Variants in RIF1 observed in about 807,000 individuals in gnomAD.
The protein encoded by RIF1 is replication timing regulatory factor 1, also known as telomere-associated protein RIF1.
A neutral mutation model predicts 247.1 loss-of-function variants in RIF1; 45 were observed. That is an observed-to-expected ratio of 0.18 (90% CI 0.14 to 0.23). The LOEUF is 0.23. RIF1 is among the 10% of genes least tolerant of loss of function. RIF1 has a pLI of 1.00. For synonymous variants in RIF1, 1,087 were observed against 978.8 expected, an observed-to-expected ratio of 1.11 and a Z score of -2.06; for missense variants, 2,967 against 2,862.5, an observed-to-expected ratio of 1.04 and a Z score of -0.83.
Position 151,433,236 on chromosome 2 carries a change from T to A in RIF1, c.1077+8T>A, listed in dbSNP as rs1558958808. ...CCTGCTAATTTTGAACAGGTAACATTACAAGTGTTGACTATAGCACTTTAT... is the reference window on the plus strand; with the variant it reads ...CCTGCTAATTTTGAACAGGTAACATAACAAGTGTTGACTATAGCACTTTAT... On this transcript the variant is annotated splice_region_variant and intron_variant, in intron 10 of 35. Transcript: ENST00000444746. The A allele has an allele frequency of 1.2e-6, 2 of 1,605,978 alleles. No individual in the cohort carries two copies. Among genetic ancestry groups the A allele is most frequent in the Non-Finnish European group, 1.7e-6 (2 of 1,173,610 alleles).
chr2:151,423,218 T>G (rs1688469300), intron 8 of RIF1, 176 bp downstream of exon 8: 4 of 538,102 alleles, frequency 7.4e-6, no homozygotes, highest in Middle Eastern at 4.5e-4. Flanking sequence ...GCATTGCTTT[T>G]GCTTTCATTT....
At chr2:151,443,433 C>T (rs938151647) in intron 17 of RIF1, 96 bp from the exon 18 acceptor site, 51 of 1,348,274 alleles carry the variant, frequency 3.8e-5, no homozygotes, top group East Asian at 9.8e-5. Context: ...AAAAAAAATT[C>T]GTTAACTTTT....
In RIF1 at chr2:151,425,828, G is replaced by T. The variant is rs190191554; in HGVS notation, c.786+2786G>T. ...ATTACAGGCGCGCACTACCATGCTC[G>T]GCACATTTTTTTTTTCTTTTCTGTA... On this transcript the variant is annotated intron_variant, in intron 8 of 35. Coordinates refer to ENST00000444746, the MANE Select transcript of RIF1 (RefSeq NM_018151.5). Among the ~76,000 whole-genome samples, 267 of 151,264 alleles carry T rather than the reference G, an allele frequency of 1.8e-3. 1 individual carries two copies. The highest frequency in any genetic ancestry group is 5.9e-3 in the African/African-American group (245 of 41,198).
intron 23 of RIF1, 46 bp downstream of exon 23, chr2:151,456,666 A>G: frequency 9.2e-7 from 1 of 1,083,578 alleles, no homozygotes; most frequent in Non-Finnish European, 1.4e-6. Context: ...ATGATGAGAA[A>G]ATGATAGAGT....
intron 4 of RIF1, among the ~76,000 whole-genome samples, chr2:151,416,227 G>A (rs974317864): frequency 1.1e-4 from 17 of 152,292 alleles, no homozygotes; most frequent in African/African-American, 4.1e-4. Context: ...CCTAAAGCAG[G>A]AGTTGTTCAT....
At position 151,469,229 on chromosome 2, in the gene RIF1, C is replaced by T. The variant is rs150838767; in HGVS notation, c.6941+473C>T. Among the ~76,000 whole-genome samples the T allele has an allele frequency of 3.3e-5, 5 of 152,196 alleles. No homozygotes were observed. In the East Asian group the frequency reaches 5.8e-4, roughly 18 times the overall value. ...GAAACTTAAATGCGTGCATGTAGATCGTTCACTATATCTTGATTAAAAGAA... is the reference window on the plus strand; with the variant it reads ...GAAACTTAAATGCGTGCATGTAGATTGTTCACTATATCTTGATTAAAAGAA... On this transcript the variant is annotated intron_variant, in intron 33 of 35. Coordinates refer to ENST00000444746, the MANE Select transcript of RIF1 (RefSeq NM_018151.5).
At chr2:151,485,829 C>T (rs756659726), downstream of RIF1, 5 of 1,614,032 alleles carry the variant, frequency 3.1e-6, no homozygotes, top group Non-Finnish European at 4.2e-6. Flanking sequence ...TGCCATACAT[C>T]CAGCCTTCAT....
intron 16 of RIF1, among the ~76,000 whole-genome samples, chr2:151,442,847 C>T (rs1308838927): frequency 6.9e-6 from 1 of 145,400 alleles, no homozygotes; most frequent in Non-Finnish European, 1.5e-5. Flanking sequence ...TCTCGGCTCA[C>T]TGCAACCTAA....
rs375989524 is a variant in RIF1 at position 151,465,553 on chromosome 2, T to C, written c.6033T>C (p.Ser2011=). 1 of 1,613,846 alleles carries C rather than the reference T, an allele frequency of 6.2e-7. No individual in the cohort carries two copies. The highest frequency in any genetic ancestry group is 1.3e-5 in the African/African-American group (1 of 74,922). ...GGNDVSDLHS[S]EETNTKMKNN... ...ATGATGTATCTGATCTACACTCATC[T>C]GAAGAAACGAATACCAAAATGAAAA... The change falls in exon 30 of 36, where the codon TCT becomes TCC. Residue 2011 remains serine, a synonymous_variant. Coordinates refer to ENST00000444746, the MANE Select transcript of RIF1 (RefSeq NM_018151.5).
chr2:151,413,823 A>G (rs1686711700), intron 3 of RIF1, among the ~76,000 whole-genome samples: 1 of 152,228 alleles, frequency 6.6e-6, no homozygotes, highest in African/African-American at 2.4e-5. Context: ...CTTCCTGCTC[A>G]AGAATAACAA....
At chr2:151,420,507 G>A (rs1687978352) in intron 7 of RIF1, 128 bp downstream of exon 7, 2 of 823,994 alleles carry the variant, frequency 2.4e-6, no homozygotes, top group Non-Finnish European at 3.8e-6. Context: ...AGGCTGAGGT[G>A]GGAGGATTGC....
chr2:151,506,358 A>C, exon 13 of RIF1: 2 of 872,896 alleles, frequency 2.3e-6, no homozygotes, highest in South Asian at 3.3e-5. Context: ...AAAACAAGAC[A>C]CTAGACGATG....
chr2:151,493,040 A>G (rs1171783371), intron 9 of RIF1: 2 of 275,872 alleles, frequency 7.2e-6, no homozygotes, highest in East Asian at 1.8e-4. Flanking sequence ...GATGTTAGGA[A>G]GTAAATTTGT....
the RIF1 span, chr2:151,529,103 A>T: frequency 1.3e-6 from 1 of 760,944 alleles, no homozygotes; most frequent in Non-Finnish European, 2.3e-6. Flanking sequence ...CTTGCTTTGG[A>T]ATCAATCACT....
intron 4 of RIF1, 46 bp downstream of exon 4, chr2:151,414,965 A>G (rs1221538344): frequency 3.3e-6 from 4 of 1,194,778 alleles, no homozygotes; most frequent in Non-Finnish European, 4.9e-6. Flanking sequence ...TATAAAGTAT[A>G]AGTTTTAAGT....
chr2:151,527,039 G>A, the RIF1 span: 1 of 1,543,144 alleles, frequency 6.5e-7, no homozygotes. Flanking sequence ...TAGAAGAAAG[G>A]CAGAAGAAAA....
chr2:151,454,154 A>G (rs1694809672), intron 21 of RIF1, among the ~76,000 whole-genome samples: 1 of 152,184 alleles, frequency 6.6e-6, no homozygotes. Flanking sequence ...ACCATATGAG[A>G]TTAATTTTAA....
Position 151,464,038 on chromosome 2 carries a change from A to G in RIF1, c.4518A>G (p.Ala1506=), listed in dbSNP as rs748510974. The stretch of plus-strand genomic sequence containing the variant: ...AAACTGAACAAAATAAAAAAAAGGC[A>G]GACCCTGAGAACATTAAGTCTGAGG... ...NAETEQNKKK[A]DPENIKSEGD... is the part of the protein sequence containing the mutation. Residue 1506 remains alanine (A), a synonymous_variant, in exon 30 of 36, where the codon GCA becomes GCG. Transcript: ENST00000444746. The G allele has an allele frequency of 5.0e-6, 8 of 1,610,746 alleles. No homozygotes were observed. In the African/African-American group the frequency reaches 5.4e-5, roughly 11 times the overall value.
chr2:151,496,385 C>T lies in RIF1; in HGVS notation c.*513+1059C>T, dbSNP rs1381504743. 2 of 1,593,264 alleles carry T rather than the reference C, an allele frequency of 1.3e-6. No individual in the cohort carries two copies. Among genetic ancestry groups the T allele is most frequent in the Non-Finnish European group, 1.7e-6 (2 of 1,167,720 alleles). On this transcript the variant is annotated intron_variant and NMD_transcript_variant, in intron 10 of 13. Transcript: ENST00000454583. ...GTATAACACCTGTGCGATGAGAAAG[C>T]ATCCAGAAAAACAACCATGAGTAAC...
Sources: gnomAD v4.1 joint callset for allele counts (sites outside exome capture counted in the v4.1 genomes callset) on GRCh38, gnomAD v4.1.1 for gene constraint, MANE v1.5 for transcripts, NCBI Gene and HGNC (gene_info 2026-07-23, HGNC 2026-07-21) for gene names.